The following NRXN3 variants were observed in gnomAD, a reference collection of about 807,000 sequenced individuals.
The protein encoded by NRXN3 is neurexin 3, also known as neurexin III.
Under a neutral mutation model 137.6 loss-of-function variants are expected in NRXN3, and 32 were observed. The ratio of observed to expected loss-of-function variants is 0.23; its 90% confidence interval spans 0.18 to 0.31. The LOEUF (loss-of-function observed/expected upper bound fraction) is 0.31. NRXN3 is among the 10% of genes least tolerant of loss of function. The probability of loss-of-function intolerance (pLI) is 1.00; values close to 1 mark genes in which losing one functional copy is unlikely to be tolerated. For synonymous variants in NRXN3, 798 were observed against 784.5 expected, an observed-to-expected ratio of 1.02 and a Z score of -0.29; for missense variants, 1,574 against 2,062.5, an observed-to-expected ratio of 0.76 and a Z score of 4.59.
In NRXN3 at chr14:78,491,235, G is replaced by T. The variant is rs17107757; in HGVS notation, c.758-153885G>T. 6.6e-5 allele frequency among the ~76,000 whole-genome samples: 10 copies of T among 152,222 alleles called. No individual in the cohort carries two copies. In the East Asian group the frequency reaches 1.4e-3, roughly 21 times the overall value. On this transcript the variant is annotated intron_variant, in intron 4 of 20. Coordinates refer to ENST00000335750, the MANE Select transcript of NRXN3 (RefSeq NM_001330195.2). ...GGGATCAGCTGTGACCTAATTATGAGTCTCGTAAACCTGCATTGTGCCCTT... is the reference window on the plus strand; with the variant it reads ...GGGATCAGCTGTGACCTAATTATGATTCTCGTAAACCTGCATTGTGCCCTT...
intron 15 of NRXN3, among the ~76,000 whole-genome samples, chr14:79,216,772 T>C (rs2068573022): frequency 6.6e-6 from 1 of 152,182 alleles, no homozygotes; most frequent in African/African-American, 2.4e-5. Context: ...TTAATAAATA[T>C]TATAGGGACA....
intron 19 of NRXN3, among the ~76,000 whole-genome samples, chr14:79,702,384 G>A (rs2098757817): frequency 2.0e-5 from 3 of 151,974 alleles, no homozygotes; most frequent in African/African-American, 7.3e-5. Context: ...CTCATGAATG[G>A]CTCTTTGTGC....
At chr14:78,801,327 A>G (rs1007722914) in intron 8 of NRXN3, among the ~76,000 whole-genome samples, 2 of 152,230 alleles carry the variant, frequency 1.3e-5, no homozygotes, top group Non-Finnish European at 2.9e-5. Context: ...TCTCAAAAAA[A>G]AGAAAAGAAA....
chr14:78,184,712 C>G (rs2153361209), intron 1 of NRXN3, among the ~76,000 whole-genome samples: 1 of 152,338 alleles, frequency 6.6e-6, no homozygotes, highest in South Asian at 2.1e-4. Context: ...TAGCTCACCT[C>G]CAGCGTAGAG....
intron 15 of NRXN3, among the ~76,000 whole-genome samples, chr14:79,296,594 A>C (rs1487283254): frequency 6.6e-6 from 1 of 152,078 alleles, no homozygotes; most frequent in Non-Finnish European, 1.5e-5. Flanking sequence ...TATAATGGAC[A>C]TCTTTGGCAT....
chr14:79,171,304 T>C (rs1440869196), intron 15 of NRXN3, among the ~76,000 whole-genome samples: 1 of 152,114 alleles, frequency 6.6e-6, no homozygotes, highest in African/African-American at 2.4e-5. Context: ...TACCCAAAAC[T>C]CTCTGTCTTA....
At chr14:78,364,986 C>A (rs1270371412) in intron 4 of NRXN3, among the ~76,000 whole-genome samples, 2 of 152,026 alleles carry the variant, frequency 1.3e-5, no homozygotes, top group African/African-American at 4.8e-5. Context: ...AATGATTAAC[C>A]TTTCCCTAAG....
chr14:78,229,555 G>T (rs575124684), intron 1 of NRXN3, among the ~76,000 whole-genome samples: 2 of 152,200 alleles, frequency 1.3e-5, no homozygotes, highest in East Asian at 3.9e-4. Context: ...ACTGCCAGGG[G>T]TGAAGTTCTA....
chr14:78,296,186 C>T lies in NRXN3; in HGVS notation c.728-1645C>T, dbSNP rs183939305. 4.6e-5 allele frequency among the ~76,000 whole-genome samples: 7 copies of T among 151,950 alleles called. 1 individual carries two copies. The highest frequency in any genetic ancestry group is 2.1e-4 in the South Asian group (1 of 4,810). ...CAATCCTCCCACCTCAGTGCCCACCCGAGTAGCTGGGACTACAGGCATGCA... is the reference window on the plus strand; with the variant it reads ...CAATCCTCCCACCTCAGTGCCCACCTGAGTAGCTGGGACTACAGGCATGCA... On this transcript the variant is annotated intron_variant, in intron 3 of 20. Transcript: ENST00000335750.
intron 4 of NRXN3, among the ~76,000 whole-genome samples, chr14:78,501,802 G>A (rs1423731426): frequency 1.3e-5 from 2 of 152,136 alleles, no homozygotes; most frequent in African/African-American, 4.8e-5. Context: ...GGGGCAGGGG[G>A]TGGAAGCATG....
intron 8 of NRXN3, among the ~76,000 whole-genome samples, chr14:78,741,828 T>C (rs1018345491): frequency 6.6e-6 from 1 of 152,168 alleles, no homozygotes; most frequent in Admixed American, 6.5e-5. Flanking sequence ...TTCTGAATGA[T>C]AGGTTAGATG....
chr14:78,701,444 GTC>G (rs1444330064), intron 6 of NRXN3, among the ~76,000 whole-genome samples: 6 of 152,202 alleles, frequency 3.9e-5, no homozygotes, highest in Non-Finnish European at 5.9e-5. Context: ...GCTTACAGCT[GTC>G]TCTCTTTTTC....
intron 4 of NRXN3, among the ~76,000 whole-genome samples, chr14:78,610,320 A>T (rs2097290042): frequency 6.6e-6 from 1 of 152,244 alleles, no homozygotes; most frequent in African/African-American, 2.4e-5. Flanking sequence ...AAAGCTAAAT[A>T]ATTTTATTCA....
intron 15 of NRXN3, among the ~76,000 whole-genome samples, chr14:79,088,990 G>C (rs1352864026): frequency 6.6e-6 from 1 of 152,092 alleles, no homozygotes; most frequent in Non-Finnish European, 1.5e-5. Context: ...AACCCCCAAA[G>C]ACATGGTTTC....
chr14:79,701,630 T>A (rs1419572298), intron 19 of NRXN3, among the ~76,000 whole-genome samples: 1 of 152,006 alleles, frequency 6.6e-6, no homozygotes, highest in African/African-American at 2.4e-5. Flanking sequence ...AGGGTGCCAG[T>A]TTTATATAGC....
chr14:79,555,805 C>T (rs576550753), intron 16 of NRXN3, among the ~76,000 whole-genome samples: 22 of 152,246 alleles, frequency 1.4e-4, no homozygotes, highest in African/African-American at 3.9e-4. Flanking sequence ...ACTTGGATTC[C>T]GTTACGTATT....
chr14:78,521,507 G>A (rs1280310367), intron 4 of NRXN3, among the ~76,000 whole-genome samples: 1 of 152,154 alleles, frequency 6.6e-6, no homozygotes, highest in Admixed American at 6.5e-5. Context: ...TCTGCCTGAA[G>A]CCCAGGGTTA....
chr14:79,810,868 G>T (rs1410051634), intron 20 of NRXN3, among the ~76,000 whole-genome samples: 2 of 152,192 alleles, frequency 1.3e-5, no homozygotes, highest in African/African-American at 4.8e-5. Context: ...ATCAAGAGAA[G>T]TTTATACCAG....
At chr14:78,285,144 T>G (rs1194265674) in intron 3 of NRXN3, among the ~76,000 whole-genome samples, 1 of 152,206 alleles carries the variant, frequency 6.6e-6, no homozygotes, top group African/African-American at 2.4e-5. Context: ...ATTCTGAGGC[T>G]GTATGCTTAG....
Sources: allele counts gnomAD v4.1 joint callset (sites outside exome capture counted in the v4.1 genomes callset), GRCh38; gene constraint gnomAD v4.1.1; transcripts MANE v1.5; gene names NCBI Gene and HGNC (gene_info 2026-07-23, HGNC 2026-07-21).